SPINT4: variants seen among roughly 807,000 people sequenced by gnomAD.
The protein encoded by SPINT4 is kunitz-type protease inhibitor 4.
Under a neutral mutation model 9.4 loss-of-function variants are expected in SPINT4, and 7 were observed. That is an observed-to-expected ratio of 0.74 (90% CI 0.42 to 1.40). The LOEUF is 1.40. Ranked by LOEUF, SPINT4 falls within the 40% of genes most tolerant of loss-of-function variation. The pLI, the probability that SPINT4 is intolerant of heterozygous loss-of-function variation, is 0.01. For synonymous variants in SPINT4, 36 were observed against 39.9 expected (o/e 0.90, Z 0.37); for missense variants, 105 against 114.4 (o/e 0.92, Z 0.37).
intron 2 of SPINT4, among the ~76,000 whole-genome samples, chr20:45,724,872 C>T (rs1476153902): frequency 2.8e-5 from 4 of 144,786 alleles, no homozygotes; most frequent in East Asian, 2.0e-4. Context: ...CCCAGCTACT[C>T]GGGAGGCTGA....
At position 45,725,728 on chromosome 20, in the gene SPINT4, A is replaced by T; in HGVS notation, c.*93A>T. 6.5e-7 allele frequency: 1 copy of T among 1,534,078 alleles called. No individual in the cohort carries two copies. The highest frequency in any genetic ancestry group is 9.0e-7 in the Non-Finnish European group (1 of 1,107,772). Reference sequence around the variant, plus strand: ...ATTTTGAAATCTTTGTAATATTTCCATAATGCTTTAAGCTTCCATATGTTT... The same window carrying T: ...ATTTTGAAATCTTTGTAATATTTCCTTAATGCTTTAAGCTTCCATATGTTT... On this transcript the variant is annotated 3_prime_UTR_variant, in exon 3 of 3. Coordinates refer to ENST00000279058, the MANE Select transcript of SPINT4 (RefSeq NM_178455.3).
At chr20:45,724,706 C>T (rs1038696692) in intron 2 of SPINT4, among the ~76,000 whole-genome samples, 7 of 150,618 alleles carry the variant, frequency 4.6e-5, no homozygotes, top group Non-Finnish European at 8.9e-5. Flanking sequence ...TAGGGCCAGG[C>T]GTGGTGGCTC....
intron 1 of SPINT4, among the ~76,000 whole-genome samples, chr20:45,723,527 T>C (rs1419178502): frequency 6.6e-6 from 1 of 151,990 alleles, no homozygotes; most frequent in African/African-American, 2.4e-5. Flanking sequence ...GAAAGGAAGA[T>C]GATGTGGGGA....
At chr20:45,725,040 A>G (rs1205549343) in intron 2 of SPINT4, among the ~76,000 whole-genome samples, 1 of 140,068 alleles carries the variant, frequency 7.1e-6, no homozygotes, top group Non-Finnish European at 1.5e-5. Context: ...ATAGATATAT[A>G]TCATTATTTT....
At chr20:45,723,709 G>T (rs1984856340) in intron 1 of SPINT4, among the ~76,000 whole-genome samples, 171 bp from the exon 2 acceptor site, 2 of 152,040 alleles carry the variant, frequency 1.3e-5, no homozygotes, top group East Asian at 1.9e-4. Context: ...ATTGTGCAAG[G>T]GCAACATTTC....
chr20:45,724,947 T>A, intron 2 of SPINT4, among the ~76,000 whole-genome samples: 1 of 117,546 alleles, frequency 8.5e-6, no homozygotes, highest in Non-Finnish European at 1.6e-5. Context: ...GCCACTGCAC[T>A]CCAGCCTGGG....
At chr20:45,725,026 A>ATATATC (rs759574144) in intron 2 of SPINT4, among the ~76,000 whole-genome samples, 32 of 122,386 alleles carry the variant, frequency 2.6e-4, no homozygotes, top group Non-Finnish European at 4.8e-4. Flanking sequence ...ATATATATAT[A>ATATATC]TCAATAGATA....
rs569359225 is a variant in SPINT4 at position 45,725,694 on chromosome 20, T to C, written c.*59T>C. 1 of 1,599,374 alleles carries C rather than the reference T, an allele frequency of 6.3e-7. No homozygotes were observed. The highest frequency in any genetic ancestry group is 2.2e-5 in the East Asian group (1 of 44,816). Reference sequence around the variant, plus strand: ...CATCCGAAATAAAGACACAAGAAAATTCAGACTGATTTTGAAATCTTTGTA... The same window carrying C: ...CATCCGAAATAAAGACACAAGAAAACTCAGACTGATTTTGAAATCTTTGTA... On this transcript the variant is annotated 3_prime_UTR_variant, in exon 3 of 3. Coordinates refer to ENST00000279058, the MANE Select transcript of SPINT4 (RefSeq NM_178455.3).
chr20:45,725,769 C>T lies in SPINT4; in HGVS notation c.*134C>T. On this transcript the variant is annotated 3_prime_UTR_variant, in exon 3 of 3. Transcript: ENST00000279058. The stretch of plus-strand genomic sequence containing the variant: ...CCATATGTTTGCTATTTTCCTGACC[C>T]TAGTTTTGTCTTTCCTGGAAATTAA... The T allele has an allele frequency of 8.8e-7, 1 of 1,142,472 alleles. No individual in the cohort carries two copies. The highest frequency in any genetic ancestry group is 1.3e-5 in the South Asian group (1 of 75,772). The allele number at this position is 1,142,472 out of a possible 1,614,324, so 70.8% of individuals were successfully genotyped here. A position where few individuals can be genotyped will look rare whatever the true frequency, so the allele number is the denominator to read the frequency against.
At chr20:45,724,978 T>G (rs1448546395) in intron 2 of SPINT4, among the ~76,000 whole-genome samples, 1 of 8,762 alleles carries the variant, frequency 1.1e-4, no homozygotes, top group East Asian at 9.1e-3. Context: ...AGACTCCATC[T>G]CAAAAAAAAA....
intron 2 of SPINT4, 87 bp downstream of exon 2, chr20:45,724,144 C>T (rs1984871167): frequency 2.2e-6 from 3 of 1,380,796 alleles, no homozygotes. Context: ...TGATCAGGGG[C>T]TAACCTTGCT....
intron 2 of SPINT4, 127 bp downstream of exon 2, chr20:45,724,184 TAAG>T: frequency 9.4e-6 from 10 of 1,058,550 alleles, no homozygotes; most frequent in Non-Finnish European, 1.2e-5. Flanking sequence ...ATTGCTCAAA[TAAG>T]AAGTTTTAAC....
intron 2 of SPINT4, among the ~76,000 whole-genome samples, chr20:45,724,512 TA>T (rs58689567): frequency 0.033 from 3,813 of 114,356 alleles, 105 homozygotes; most frequent in Admixed American, 0.12. Flanking sequence ...AAACTCCATC[TA>T]AAAAAAAAAA....
At chr20:45,724,995 A>AAAAAAAAAAAAAAAAAAATAT (rs1387842262) in intron 2 of SPINT4, among the ~76,000 whole-genome samples, 1 of 36,422 alleles carries the variant, frequency 2.7e-5, no homozygotes, top group African/African-American at 1.9e-4. Flanking sequence ...AAAAAAAAAA[A>AAAAAAAAAAAAAAAAAAATAT]ATATATATAT....
chr20:45,722,556 G>A, intron 1 of SPINT4, 74 bp downstream of exon 1: 3 of 1,095,880 alleles, frequency 2.7e-6, no homozygotes, highest in African/African-American at 1.5e-5. Flanking sequence ...AGAAAAGTGT[G>A]TTATCTAGGT....
At position 45,724,906 on chromosome 20, in the gene SPINT4, G is replaced by A. The variant is rs1330671879; in HGVS notation, c.294-723G>A. Among the ~76,000 whole-genome samples, 3 of 142,900 alleles carry A rather than the reference G, an allele frequency of 2.1e-5. No homozygotes were observed. In the South Asian group the frequency reaches 6.7e-4, roughly 32 times the overall value. The allele number at this position is 142,900 out of a possible 152,430, so 93.7% of individuals were successfully genotyped here. On this transcript the variant is annotated intron_variant, in intron 2 of 2. Coordinates refer to ENST00000279058, the MANE Select transcript of SPINT4 (RefSeq NM_178455.3). ...GAGGCAGGAGAATGGTGTGAACCCGGGAGGCGGAGCTTGCAGTGAGCCAAG... is the reference window on the plus strand; with the variant it reads ...GAGGCAGGAGAATGGTGTGAACCCGAGAGGCGGAGCTTGCAGTGAGCCAAG...
At position 45,723,329 on chromosome 20, in the gene SPINT4, G is replaced by C. The variant is rs139878509; in HGVS notation, c.116-551G>C. The stretch of plus-strand genomic sequence containing the variant: ...CCTCTGAGAAGGCAAGAAAGGAGAA[G>C]ATGACGGGGTATGAGGATGAACGAG... On this transcript the variant is annotated intron_variant, in intron 1 of 2. Transcript: ENST00000279058. Among the ~76,000 whole-genome samples the C allele has an allele frequency of 2.0e-5, 3 of 152,210 alleles. No homozygotes were observed. The East Asian group carries it at 5.8e-4, about 29-fold the overall frequency.
rs1262258683 is a variant in SPINT4 at position 45,723,891 on chromosome 20, T to C, written c.127T>C (p.Leu43=). The C allele has an allele frequency of 7.5e-6, 12 of 1,590,732 alleles. No homozygotes were observed. The highest frequency in any genetic ancestry group is 2.3e-5 in the East Asian group (1 of 43,818). The change falls in exon 2 of 3, where the codon TTG becomes CTG. Residue 43 remains leucine, a synonymous_variant. Transcript: ENST00000279058. ...AACCTCTCATGCAGATCCCTGCAAA[T>C]TGGACATGAATTTTGGAAGCTGCTA... ...ICGDLKDPCK[L]DMNFGSCYEV... is the part of the protein sequence containing the mutation.
intron 2 of SPINT4, among the ~76,000 whole-genome samples, chr20:45,725,414 C>T (rs74769698): frequency 0.043 from 6,460 of 151,916 alleles, 211 homozygotes; most frequent in African/African-American, 0.078. Context: ...TTTTATATTC[C>T]TAGTGGATCT....
Sources: allele counts gnomAD v4.1 joint callset (sites outside exome capture counted in the v4.1 genomes callset), GRCh38; gene constraint gnomAD v4.1.1; transcripts MANE v1.5; gene names NCBI Gene and HGNC (gene_info 2026-07-23, HGNC 2026-07-21).